Variants in FBXO31 observed in about 807,000 individuals in gnomAD.
FBXO31 encodes the protein F-box protein 31.
FBXO31 carries 24 observed loss-of-function variants against 54.4 expected under a neutral mutation model. The ratio of observed to expected loss-of-function variants is 0.44; its 90% CI spans 0.32 to 0.62. The LOEUF (loss-of-function observed/expected upper bound fraction) is 0.62, where lower values mean the gene tolerates loss of function less well. FBXO31 is among the 20% of genes least tolerant of loss of function. The pLI is 0.05. For synonymous variants in FBXO31, 388 were observed against 335.6 expected (o/e 1.16, Z -1.71); for missense variants, 665 against 787.1 (o/e 0.84, Z 1.86).
chr16:87,373,227 A>G (rs1440686252), intron 1 of FBXO31, among the ~76,000 whole-genome samples: 3 of 151,838 alleles, frequency 2.0e-5, no homozygotes, highest in Admixed American at 6.6e-5. Context: ...CGAGGCGGGC[A>G]GATCACAAGG....
intron 7 of FBXO31, 102 bp from the exon 8 acceptor site, chr16:87,334,388 C>T: frequency 9.1e-7 from 1 of 1,097,340 alleles, no homozygotes; most frequent in African/African-American, 1.6e-5. Context: ...CGAGCTGGCA[C>T]CAGCCCTCCT....
rs112639172 is a variant in FBXO31 at position 87,365,037 on chromosome 16, A to C, written c.341-4671T>G. Among the ~76,000 whole-genome samples the C allele has an allele frequency of 1.4e-3, 154 of 106,766 alleles. 5 individuals carry two copies. Among genetic ancestry groups the C allele is most frequent in the Non-Finnish European group, 1.8e-3 (93 of 50,860 alleles). The allele number at this position is 106,766 out of a possible 152,430, so 70.0% of individuals were successfully genotyped here. A position where few individuals can be genotyped will look rare whatever the true frequency, so the allele number is the denominator to read the frequency against. On this transcript the variant is annotated intron_variant, in intron 1 of 8. Coordinates refer to ENST00000311635, the MANE Select transcript of FBXO31 (RefSeq NM_024735.5). Reference sequence around the variant, plus strand: ...TATATATATATATATATATATATATATATCAGGCAGGCCACCCAATAATTA... The same window carrying C: ...TATATATATATATATATATATATATCTATCAGGCAGGCCACCCAATAATTA...
In FBXO31 at chr16:87,383,243, C is replaced by T. The variant is rs1436625005; in HGVS notation, c.340+162G>A. Among the ~76,000 whole-genome samples, 1 of 151,986 alleles carries T rather than the reference C, an allele frequency of 6.6e-6. No individual in the cohort carries two copies. Among genetic ancestry groups the T allele is most frequent in the African/African-American group, 2.4e-5 (1 of 41,392 alleles). Reference sequence around the variant, plus strand: ...CCTGGCCCCCTCAACGTGGTGTCACCGCGGCCGCTCCCCACCCACACCCAA... The same window carrying T: ...CCTGGCCCCCTCAACGTGGTGTCACTGCGGCCGCTCCCCACCCACACCCAA... On this transcript the variant is annotated intron_variant, in intron 1 of 8. Transcript: ENST00000311635. The surrounding 1 kb of genome is among the most constrained non-coding windows in gnomAD (Gnocchi z 4.9).
At position 87,383,331 on chromosome 16, in the gene FBXO31, CACT is replaced by C; in HGVS notation, c.340+71_340+73del. 7.6e-7 allele frequency: 1 copy of C among 1,319,634 alleles called. No individual in the cohort carries two copies. Among genetic ancestry groups the C allele is most frequent in the Non-Finnish European group, 1.0e-6 (1 of 993,214 alleles). 81.7% of individuals were successfully genotyped at this position (1,319,634 alleles called of 1,614,324 possible). ...CCCCGGCCGGGGCCACCGCCCCCGCCACTCCCAGCTCCGAGGCCTCCACCTGGC... is the reference window on the plus strand; with the variant it reads ...CCCCGGCCGGGGCCACCGCCCCCGCCCCCAGCTCCGAGGCCTCCACCTGGC... On this transcript the variant is annotated intron_variant, in intron 1 of 8. Transcript: ENST00000311635. The surrounding 1 kb of genome is among the most constrained non-coding windows in gnomAD (Gnocchi z 4.9).
At chr16:87,341,092 C>A (rs1248412896) in intron 5 of FBXO31, among the ~76,000 whole-genome samples, 1 of 152,136 alleles carries the variant, frequency 6.6e-6, no homozygotes, top group Non-Finnish European at 1.5e-5. Flanking sequence ...AAACTCCCCC[C>A]ATCAAGATTC....
chr16:87,376,675 C>T (rs1004265849), intron 1 of FBXO31, among the ~76,000 whole-genome samples: 1 of 152,192 alleles, frequency 6.6e-6, no homozygotes. Flanking sequence ...AGAAATCAGC[C>T]TCACTCACCA....
chr16:87,375,325 C>CA (rs945744351), intron 1 of FBXO31, among the ~76,000 whole-genome samples: 3 of 151,058 alleles, frequency 2.0e-5, no homozygotes, highest in African/African-American at 7.3e-5. Flanking sequence ...AAAACAAAAA[C>CA]AAAAAACAAA....
Position 87,383,323 on chromosome 16 carries a change from G to A in FBXO31, c.340+82C>T, listed in dbSNP as rs1567492261. On this transcript the variant is annotated intron_variant, in intron 1 of 8. Coordinates refer to ENST00000311635, the MANE Select transcript of FBXO31 (RefSeq NM_024735.5). This position sits in a 1 kb window ranked among gnomAD's most constrained non-coding sequence, Gnocchi z 4.9. ...CTGGTGGCCCCCGGCCGGGGCCACC[G>A]CCCCCGCCACTCCCAGCTCCGAGGC... 8.0e-7 allele frequency: 1 copy of A among 1,242,840 alleles called. No homozygotes were observed. Among genetic ancestry groups the A allele is most frequent in the Non-Finnish European group, 1.1e-6 (1 of 943,176 alleles). The allele number at this position is 1,242,840 out of a possible 1,614,324, so 77.0% of individuals were successfully genotyped here. A position where few individuals can be genotyped will look rare whatever the true frequency, so the allele number is the denominator to read the frequency against.
chr16:87,350,642 G>C (rs1406180849), intron 2 of FBXO31, among the ~76,000 whole-genome samples: 1 of 152,242 alleles, frequency 6.6e-6, no homozygotes, highest in East Asian at 1.9e-4. Flanking sequence ...CTGGGCGGCT[G>C]GGTGATAACA....
chr16:87,351,842 C>A (rs1229003528), intron 2 of FBXO31, among the ~76,000 whole-genome samples: 1 of 152,138 alleles, frequency 6.6e-6, no homozygotes, highest in Non-Finnish European at 1.5e-5. Flanking sequence ...GCACTCCAGC[C>A]TGGGCGACAG....
At chr16:87,365,033 A>C (rs1411438895) in intron 1 of FBXO31, among the ~76,000 whole-genome samples, 3 of 110,210 alleles carry the variant, frequency 2.7e-5, no homozygotes, top group Non-Finnish European at 5.6e-5. Flanking sequence ...ATATATATAT[A>C]TATATATCAG....
chr16:87,366,749 G>A (rs1406093087), intron 1 of FBXO31, among the ~76,000 whole-genome samples: 1 of 152,232 alleles, frequency 6.6e-6, no homozygotes, highest in Non-Finnish European at 1.5e-5. Context: ...TACATGGAGA[G>A]AGGGGAGGCA....
At chr16:87,381,651 G>T (rs1206533166) in intron 1 of FBXO31, among the ~76,000 whole-genome samples, 1 of 152,234 alleles carries the variant, frequency 6.6e-6, no homozygotes, top group Non-Finnish European at 1.5e-5. Context: ...TCCTTGGGGT[G>T]CAAACTCAAA....
rs1415137646 is a variant in FBXO31 at position 87,338,147 on chromosome 16, C to T, written c.733-1883G>A. 3.9e-5 allele frequency among the ~76,000 whole-genome samples: 6 copies of T among 152,020 alleles called. No homozygotes were observed. Among genetic ancestry groups the T allele is most frequent in the Admixed American group, 3.3e-4 (5 of 15,276 alleles). ...CATAAAGAGGTCCAAGCAACGGGAC[C>T]ACCAACCAGACCCTGTTACCCAGAA... On this transcript the variant is annotated intron_variant, in intron 5 of 8. Coordinates refer to ENST00000311635, the MANE Select transcript of FBXO31 (RefSeq NM_024735.5). This position sits in a 1 kb window ranked among gnomAD's most constrained non-coding sequence, Gnocchi z 4.3.
At chr16:87,387,438 G>C (rs879854211), upstream of FBXO31, among the ~76,000 whole-genome samples, 1 of 152,202 alleles carries the variant, frequency 6.6e-6, no homozygotes, top group Non-Finnish European at 1.5e-5. Flanking sequence ...ATCTAAGGAA[G>C]TAAGTCGAAT....
At chr16:87,387,454 G>A (rs1907361907), upstream of FBXO31, among the ~76,000 whole-genome samples, 1 of 152,148 alleles carries the variant, frequency 6.6e-6, no homozygotes, top group Non-Finnish European at 1.5e-5. Flanking sequence ...CGAATATAGG[G>A]CTGGGCATTT....
Position 87,331,229 on chromosome 16 carries a change from A to G in FBXO31, c.*59T>C. 1 of 1,542,466 alleles carries G rather than the reference A, an allele frequency of 6.5e-7. No individual in the cohort carries two copies. Among genetic ancestry groups the G allele is most frequent in the Non-Finnish European group, 8.9e-7 (1 of 1,119,518 alleles). ...TCCAAAGTGCATGCTGCTTCTATTC[A>G]CAGGTCAGAGTTCAGAGCCCCAGAG... On this transcript the variant is annotated 3_prime_UTR_variant, in exon 9 of 9. Coordinates refer to ENST00000311635, the MANE Select transcript of FBXO31 (RefSeq NM_024735.5).
At chr16:87,357,122 C>T (rs1346855137) in intron 2 of FBXO31, among the ~76,000 whole-genome samples, 2 of 152,010 alleles carry the variant, frequency 1.3e-5, no homozygotes, top group Non-Finnish European at 2.9e-5. Flanking sequence ...GCACACGCCT[C>T]TAGTCCCAGC....
chr16:87,346,036 G>A lies in FBXO31; in HGVS notation c.489+1138C>T, dbSNP rs58985755. Among the ~76,000 whole-genome samples the A allele has an allele frequency of 9.1e-3, 1,391 of 152,348 alleles. 19 individuals carry two copies. Among genetic ancestry groups the A allele is most frequent in the African/African-American group, 0.031 (1,294 of 41,566 alleles). On this transcript the variant is annotated intron_variant, in intron 3 of 8. Transcript: ENST00000311635. This position sits in a 1 kb window ranked among gnomAD's most constrained non-coding sequence, Gnocchi z 4.2. ...GCAGAGTGGCTGCTGAGAGGAGAAG[G>A]GGCCAAGCGAAGCGTGACTCACAAA...
Sources: gnomAD v4.1 joint callset for allele counts (sites outside exome capture counted in the v4.1 genomes callset) on GRCh38, gnomAD v4.1.1 for gene constraint, Gnocchi (gnomAD v3.1) non-coding constraint, MANE v1.5 for transcripts, NCBI Gene and HGNC (gene_info 2026-07-23, HGNC 2026-07-21) for gene names.